PTGER3: variants seen among roughly 807,000 people sequenced by gnomAD.
PTGER3 encodes prostaglandin E receptor 3.
A neutral mutation model predicts 34.7 loss-of-function variants in PTGER3; 22 were observed. That is an observed-to-expected ratio of 0.63 (90% CI 0.45 to 0.91). PTGER3 has a LOEUF of 0.91. Ranked by LOEUF, PTGER3 falls within the 40% of genes least tolerant of loss-of-function variation. The pLI is 0.00. For synonymous variants in PTGER3, 241 were observed against 230.1 expected, an observed-to-expected ratio of 1.05 and a Z score of -0.43; for missense variants, 468 against 519.4, an observed-to-expected ratio of 0.90 and a Z score of 0.96.
chr1:70,952,457 A>T, exon 4 of PTGER3: 1 of 985,882 alleles, frequency 1.0e-6, no homozygotes, highest in Non-Finnish European at 1.2e-6. Context: ...ATGTGTTTTA[A>T]TAACCTGAAC....
At chr1:71,011,359 A>G in intron 2 of PTGER3, 2 of 985,276 alleles carry the variant, frequency 2.0e-6, no homozygotes, top group Non-Finnish European at 2.4e-6. Context: ...TGGAATTTAA[A>G]GAGTCAAAGA....
intron 4 of PTGER3, among the ~76,000 whole-genome samples, chr1:70,861,370 C>T (rs984506217): frequency 9.2e-5 from 14 of 152,320 alleles, no homozygotes; most frequent in African/African-American, 3.4e-4. Flanking sequence ...GCAGCCTCCA[C>T]ATTAACATTC....
intron 1 of PTGER3, among the ~76,000 whole-genome samples, chr1:71,022,773 T>C (rs987672113): frequency 6.6e-6 from 1 of 151,464 alleles, no homozygotes; most frequent in Non-Finnish European, 1.5e-5. Flanking sequence ...GAACAGAATC[T>C]GTTTAGGGGG....
intron 1 of PTGER3, among the ~76,000 whole-genome samples, chr1:71,032,309 A>G (rs1353204668): frequency 1.3e-5 from 2 of 152,338 alleles, no homozygotes; most frequent in Non-Finnish European, 2.9e-5. Flanking sequence ...ATCTTTCCTC[A>G]TAGCCTAGAA....
chr1:71,028,494 A>G (rs144861363), intron 1 of PTGER3, among the ~76,000 whole-genome samples: 11 of 152,336 alleles, frequency 7.2e-5, no homozygotes, highest in African/African-American at 2.6e-4. Context: ...ATCATCTCTA[A>G]TAATGACTGA....
intron 2 of PTGER3, among the ~76,000 whole-genome samples, chr1:70,974,933 C>T (rs891160101): frequency 6.6e-6 from 1 of 152,146 alleles, no homozygotes; most frequent in African/African-American, 2.4e-5. Context: ...GCACTTTCTT[C>T]TGCCTGCAGT....
At chr1:70,991,677 C>T (rs927711670) in intron 2 of PTGER3, among the ~76,000 whole-genome samples, 2 of 152,222 alleles carry the variant, frequency 1.3e-5, no homozygotes, top group Non-Finnish European at 2.9e-5. Context: ...CGTGTCTTTC[C>T]CAGGTTTTTC....
chr1:70,996,238 C>T (rs1217017551), intron 2 of PTGER3, among the ~76,000 whole-genome samples: 1 of 151,980 alleles, frequency 6.6e-6, no homozygotes, highest in Admixed American at 6.6e-5. Flanking sequence ...AGATGTAACT[C>T]TTTCTAATCC....
intron 2 of PTGER3, among the ~76,000 whole-genome samples, chr1:70,979,646 T>C (rs1216132995): frequency 6.6e-6 from 1 of 152,056 alleles, no homozygotes; most frequent in Non-Finnish European, 1.5e-5. Context: ...TTCTTATCTT[T>C]CCTCTCAGAA....
chr1:71,001,571 GT>G (rs142018942), intron 2 of PTGER3, among the ~76,000 whole-genome samples: 10,789 of 152,220 alleles, frequency 0.071, 505 homozygotes, highest in Non-Finnish European at 0.1. Flanking sequence ...GTCTCCTAGA[GT>G]TTTCCTGTGA....
At chr1:70,994,714 C>G (rs1303723553) in intron 2 of PTGER3, among the ~76,000 whole-genome samples, 1 of 152,152 alleles carries the variant, frequency 6.6e-6, no homozygotes, top group Non-Finnish European at 1.5e-5. Context: ...CCTCAGCCTC[C>G]TAAAGTGCTG....
intron 3 of PTGER3, chr1:70,953,661 G>T (rs1003175701): frequency 6.7e-7 from 1 of 1,494,576 alleles, no homozygotes; most frequent in South Asian, 1.3e-5. Context: ...AGGAAAACAC[G>T]AACTTTCAAT....
intron 4 of PTGER3, among the ~76,000 whole-genome samples, chr1:70,926,014 G>A (rs886787482): frequency 2.6e-5 from 4 of 152,124 alleles, no homozygotes; most frequent in Non-Finnish European, 5.9e-5. Flanking sequence ...GGCAAAGGAT[G>A]TCACTGATAC....
At chr1:70,958,645 A>T (rs779786691) in intron 2 of PTGER3, among the ~76,000 whole-genome samples, 2 of 152,120 alleles carry the variant, frequency 1.3e-5, no homozygotes, top group African/African-American at 2.4e-5. Context: ...CACTTCATTG[A>T]TCATTTCCTT....
intron 2 of PTGER3, among the ~76,000 whole-genome samples, chr1:70,962,769 G>T (rs1270041304): frequency 6.6e-6 from 1 of 152,106 alleles, no homozygotes; most frequent in African/African-American, 2.4e-5. Context: ...ATGAGATTTG[G>T]GTGGGGACAC....
chr1:70,865,499 G>T (rs1646021505), intron 4 of PTGER3, among the ~76,000 whole-genome samples: 1 of 152,150 alleles, frequency 6.6e-6, no homozygotes. Flanking sequence ...GTCACTGGAT[G>T]TTGGGAATAG....
At chr1:70,868,916 GC>G (rs1035378998) in intron 4 of PTGER3, among the ~76,000 whole-genome samples, 1 of 152,106 alleles carries the variant, frequency 6.6e-6, no homozygotes, top group African/African-American at 2.4e-5. Context: ...GAATGAATGG[GC>G]CCAGCTATAA....
rs143229122 is a variant in PTGER3 at position 70,894,152 on chromosome 1, A to G, written c.*24-41293T>C. Reference sequence around the variant, plus strand: ...GTGAAACTACATCTCTACTAAAAATACAAAAAATTAGCCGGGCGTGGTGGT... The same window carrying G: ...GTGAAACTACATCTCTACTAAAAATGCAAAAAATTAGCCGGGCGTGGTGGT... On this transcript the variant is annotated intron_variant, in intron 4 of 4. Coordinates refer to the PTGER3 transcript ENST00000370931. Among the ~76,000 whole-genome samples the G allele has an allele frequency of 2.7e-3, 406 of 152,086 alleles. 3 individuals carry two copies. Among genetic ancestry groups the G allele is most frequent in the African/African-American group, 9.4e-3 (390 of 41,506 alleles).
intron 1 of PTGER3, among the ~76,000 whole-genome samples, chr1:71,035,066 T>C (rs780288891): frequency 1.3e-4 from 20 of 152,186 alleles, no homozygotes; most frequent in Non-Finnish European, 2.5e-4. Flanking sequence ...TTTCCTATTA[T>C]TAAGGGTGTT....
Sources: allele counts gnomAD v4.1 joint callset (sites outside exome capture counted in the v4.1 genomes callset), GRCh38; gene constraint gnomAD v4.1.1; transcripts MANE v1.5; gene names NCBI Gene and HGNC (gene_info 2026-07-23, HGNC 2026-07-21).